Variants in KALRN observed in about 807,000 individuals in gnomAD.
KALRN encodes kalirin RhoGEF kinase, also known as kalirin.
In KALRN, 70 loss-of-function variants were observed where a neutral mutation model predicts 353.7. That is an observed-to-expected ratio of 0.20 (90% CI 0.16 to 0.24). The LOEUF is 0.24. Ranked by LOEUF, KALRN falls within the 10% of genes least tolerant of loss-of-function variation. KALRN has a pLI of 1.00. For missense variants in KALRN, 2,791 were observed against 3,756.7 expected (o/e 0.74, Z 6.72); for synonymous variants, 1,391 against 1,434.8 (o/e 0.97, Z 0.69).
intron 10 of KALRN, among the ~76,000 whole-genome samples, chr3:124,375,773 T>A (rs1036785988): frequency 3.3e-5 from 5 of 152,232 alleles, no homozygotes; most frequent in African/African-American, 1.2e-4. Context: ...AGTGACCAGA[T>A]ATTTAGCTTC....
rs2063311600 is a variant in KALRN, at chr3:124,719,614, G to A, written c.*144G>A. 1 of 768,764 alleles carries A rather than the reference G, an allele frequency of 1.3e-6. No individual in the cohort carries two copies. Among genetic ancestry groups the A allele is most frequent in the Non-Finnish European group, 2.0e-6 (1 of 488,386 alleles). 47.6% of individuals were successfully genotyped at this position (768,764 alleles called of 1,614,324 possible). A position where few individuals can be genotyped will look rare whatever the true frequency, so the allele number is the denominator to read the frequency against. The stretch of plus-strand genomic sequence containing the variant: ...ATGTACCTCTTAAACCTCGTCAGTG[G>A]TTATTCAGGGTCTGAGCAGCAGTAA... On this transcript the variant is annotated 3_prime_UTR_variant, in exon 60 of 60. Transcript: ENST00000682506. The surrounding 1 kb of genome is among the most constrained non-coding windows in gnomAD (Gnocchi z 5.3).
intron 1 of KALRN, among the ~76,000 whole-genome samples, chr3:124,118,617 G>A (rs981516511): frequency 6.6e-6 from 1 of 152,170 alleles, no homozygotes; most frequent in Non-Finnish European, 1.5e-5. Flanking sequence ...GTGAGTCATG[G>A]GACATGTTCC....
At chr3:124,535,139 T>C (rs2068400376) in intron 33 of KALRN, among the ~76,000 whole-genome samples, 1 of 151,838 alleles carries the variant, frequency 6.6e-6, no homozygotes, top group Admixed American at 6.6e-5. Flanking sequence ...CATGATTATA[T>C]AGTAAATGAG....
At chr3:124,131,128 G>A (rs1485022408) in intron 1 of KALRN, among the ~76,000 whole-genome samples, 4 of 152,214 alleles carry the variant, frequency 2.6e-5, no homozygotes, top group African/African-American at 9.6e-5. Context: ...AAGGAAGAGA[G>A]ATTGCTGAAG....
chr3:124,572,461 G>A (rs1261633158), intron 34 of KALRN, among the ~76,000 whole-genome samples: 1 of 151,994 alleles, frequency 6.6e-6, no homozygotes, highest in Non-Finnish European at 1.5e-5. Context: ...CTTTGAAAAC[G>A]GAACAGAATT....
intron 34 of KALRN, among the ~76,000 whole-genome samples, chr3:124,629,770 T>C (rs2080532006): frequency 6.6e-6 from 1 of 150,652 alleles, no homozygotes; most frequent in Non-Finnish European, 1.5e-5. Context: ...ATCTTTATTT[T>C]GCATGCTTAA....
At chr3:124,244,216 A>T (rs1390401009) in intron 3 of KALRN, among the ~76,000 whole-genome samples, 1 of 152,114 alleles carries the variant, frequency 6.6e-6, no homozygotes, top group African/African-American at 2.4e-5. Flanking sequence ...ATATATTAAC[A>T]TATTTCCTTC....
chr3:124,088,036 A>G (rs1404914398), intron 1 of KALRN, among the ~76,000 whole-genome samples: 1 of 152,166 alleles, frequency 6.6e-6, no homozygotes. Context: ...AAGCCAATAT[A>G]CTGAGTTTTG....
Position 124,619,523 on chromosome 3 carries a change from C to T in KALRN, c.5183-12897C>T, listed in dbSNP as rs1277318283. 1.7e-5 allele frequency among the ~76,000 whole-genome samples: 2 copies of T among 115,724 alleles called. 1 individual carries two copies. The highest frequency in any genetic ancestry group is 5.5e-4 in the South Asian group (2 of 3,658). The allele number at this position is 115,724 out of a possible 152,430, so 75.9% of individuals were successfully genotyped here. On this transcript the variant is annotated intron_variant, in intron 34 of 59. Coordinates refer to ENST00000682506, the MANE Select transcript of KALRN (RefSeq NM_001388419.1). ...TTTTTTTGAGATAGAGTTTTACTCTCGTTGCCCAGGCTGGAGTGCAATGGC... is the reference window on the plus strand; with the variant it reads ...TTTTTTTGAGATAGAGTTTTACTCTTGTTGCCCAGGCTGGAGTGCAATGGC...
At chr3:124,098,284 ATC>A (rs1011249647) in intron 1 of KALRN, among the ~76,000 whole-genome samples, 1 of 152,134 alleles carries the variant, frequency 6.6e-6, no homozygotes, top group African/African-American at 2.4e-5. Context: ...CCAGAAGACA[ATC>A]TGTTTTCCCC....
At chr3:124,358,723 C>T (rs2083688674) in intron 10 of KALRN, among the ~76,000 whole-genome samples, 1 of 152,188 alleles carries the variant, frequency 6.6e-6, no homozygotes, top group Admixed American at 6.5e-5. Context: ...TTATTTCTCA[C>T]AACATCCCAT....
intron 9 of KALRN, among the ~76,000 whole-genome samples, chr3:124,346,661 A>AGG (rs777900645): frequency 6.6e-6 from 1 of 152,280 alleles, no homozygotes; most frequent in Non-Finnish European, 1.5e-5. Context: ...AAGATTAGGA[A>AGG]GGGGAGTCCC....
At chr3:124,671,604 C>A in intron 47 of KALRN, 56 bp from the exon 48 acceptor site, 1 of 1,333,298 alleles carries the variant, frequency 7.5e-7, no homozygotes, top group Non-Finnish European at 1.1e-6. Context: ...TAAGAGGCCT[C>A]CAAATCCTTG....
At chr3:124,253,713 G>A (rs748264326) in intron 3 of KALRN, among the ~76,000 whole-genome samples, 15 of 152,170 alleles carry the variant, frequency 9.9e-5, no homozygotes, top group Non-Finnish European at 2.2e-4. Flanking sequence ...GGTCTTATTT[G>A]AAGGTTAATT....
chr3:124,651,176 G>C (rs1346398194), intron 38 of KALRN, among the ~76,000 whole-genome samples: 2 of 152,244 alleles, frequency 1.3e-5, no homozygotes, highest in Non-Finnish European at 2.9e-5. Context: ...GACAAAGTGT[G>C]GTTGTAGGTC....
At chr3:124,650,760 T>C in intron 37 of KALRN, 48 bp from the exon 38 acceptor site, 1 of 1,582,012 alleles carries the variant, frequency 6.3e-7, no homozygotes, top group South Asian at 1.1e-5. Flanking sequence ...GGATTCCAAA[T>C]GACTTTTCAA....
At chr3:124,291,161 G>A (rs984480948) in intron 5 of KALRN, among the ~76,000 whole-genome samples, 1 of 152,176 alleles carries the variant, frequency 6.6e-6, no homozygotes, top group African/African-American at 2.4e-5. Context: ...TCTGCATTGG[G>A]CAGCTGTAGG....
rs549100091 is a variant in KALRN at position 124,285,468 on chromosome 3, G to A, written c.970-13323G>A. On this transcript the variant is annotated intron_variant, in intron 5 of 59. Transcript: ENST00000682506. ...GACTTCACCACTATGCAATCTATCC[G>A]TGTAACAAAATTGCATTTGTATCCT... Among the ~76,000 whole-genome samples, 8 of 152,232 alleles carry A rather than the reference G, an allele frequency of 5.3e-5. No homozygotes were observed. In the South Asian group the frequency reaches 6.2e-4, roughly 12 times the overall value.
At position 124,281,952 on chromosome 3, in the gene KALRN, C is replaced by G. The variant is rs1209041244; in HGVS notation, c.969+12697C>G. 4.6e-5 allele frequency among the ~76,000 whole-genome samples: 7 copies of G among 152,194 alleles called. No individual in the cohort carries two copies. The South Asian group carries it at 1.5e-3, about 32-fold the overall frequency. ...GCTGAATGGTTTCTAGGAACGCTAC[C>G]TTAATGCACTCACTGTTGAAAACTG... is the stretch of plus-strand genomic sequence containing the variant. On this transcript the variant is annotated intron_variant, in intron 5 of 59. Coordinates refer to ENST00000682506, the MANE Select transcript of KALRN (RefSeq NM_001388419.1).
Sources: gnomAD v4.1 joint callset for allele counts (sites outside exome capture counted in the v4.1 genomes callset) on GRCh38, gnomAD v4.1.1 for gene constraint, Gnocchi (gnomAD v3.1) non-coding constraint, MANE v1.5 for transcripts, NCBI Gene and HGNC (gene_info 2026-07-23, HGNC 2026-07-21) for gene names.